The following PRUNE2 variants were observed in gnomAD, a reference collection of about 807,000 sequenced individuals.
PRUNE2 encodes the protein protein prune homolog 2.
A neutral mutation model predicts 252.0 loss-of-function variants in PRUNE2; 164 were observed. That is an observed-to-expected ratio of 0.65 (90% CI 0.57 to 0.74). The LOEUF (loss-of-function observed/expected upper bound fraction) is 0.74, where lower values mean the gene tolerates loss of function less well. PRUNE2 is among the 30% of genes least tolerant of loss of function. The pLI, the probability that PRUNE2 is intolerant of heterozygous loss-of-function variation, is 0.00. For synonymous variants in PRUNE2, 1,292 were observed against 1,350.2 expected (o/e 0.96, Z 0.94); for missense variants, 3,495 against 3,711.0 (o/e 0.94, Z 1.51).
intron 18 of PRUNE2, among the ~76,000 whole-genome samples, chr9:76,618,120 A>T (rs905445082): frequency 6.6e-6 from 1 of 152,152 alleles, no homozygotes; most frequent in Non-Finnish European, 1.5e-5. Context: ...TTTTTTTAAA[A>T]TTTTATTTAG....
At chr9:76,624,216 A>C (rs1015212764) in intron 17 of PRUNE2, among the ~76,000 whole-genome samples, 1 of 152,114 alleles carries the variant, frequency 6.6e-6, no homozygotes, top group South Asian at 2.1e-4. Flanking sequence ...TTGCGTGTAC[A>C]TTAAAAAACA....
rs138028216 is a variant in PRUNE2, at chr9:76,786,127, T to G, written c.756+37505A>C. The G allele has an allele frequency of 4.3e-4, 65 of 152,322 alleles. 1 individual carries two copies. Among genetic ancestry groups the G allele is most frequent in the African/African-American group, 1.5e-3 (62 of 41,578 alleles). The allele number at this position is 152,322 out of a possible 1,614,324, so 9.4% of individuals were successfully genotyped here. A position where few individuals can be genotyped will look rare whatever the true frequency, so the allele number is the denominator to read the frequency against. On this transcript the variant is annotated intron_variant, in intron 6 of 18. Transcript: ENST00000376718. ...TTCAATTCTCAGCAGAAGCCAGAAT[T>G]TGAATTCCCTCATCTTTTAGGAATC...
intron 4 of PRUNE2, among the ~76,000 whole-genome samples, chr9:76,836,891 A>C (rs2059013848): frequency 6.6e-6 from 1 of 152,216 alleles, no homozygotes; most frequent in African/African-American, 2.4e-5. Context: ...AACATGACAC[A>C]TACCTCTAAT....
rs192369555 is a variant in PRUNE2 at position 76,868,231 on chromosome 9, T to A, written c.37-14023A>T. 3.9e-4 allele frequency among the ~76,000 whole-genome samples: 59 copies of A among 152,258 alleles called. No individual in the cohort carries two copies. The East Asian group carries it at 0.011, about 28-fold the overall frequency. On this transcript the variant is annotated intron_variant, in intron 1 of 18. Coordinates refer to ENST00000376718, the MANE Select transcript of PRUNE2 (RefSeq NM_015225.3). ...CATAGGACATTTATAGTAACTTATATCAAAAATGGAGAAAAACATCCAAAA... is the reference window on the plus strand; with the variant it reads ...CATAGGACATTTATAGTAACTTATAACAAAAATGGAGAAAAACATCCAAAA...
At chr9:76,792,658 C>T (rs767931750) in intron 6 of PRUNE2, among the ~76,000 whole-genome samples, 1 of 152,182 alleles carries the variant, frequency 6.6e-6, no homozygotes, top group Non-Finnish European at 1.5e-5. Context: ...TTGTCCACTA[C>T]TTAAAGATAA....
chr9:76,713,499 G>T lies in PRUNE2; in HGVS notation c.915+64C>A, dbSNP rs1588770603. The T allele has an allele frequency of 1.9e-5, 27 of 1,408,404 alleles. No individual in the cohort carries two copies. The East Asian group carries it at 6.1e-4, about 32-fold the overall frequency. 87.2% of individuals were successfully genotyped at this position (1,408,404 alleles called of 1,614,324 possible). ...CCACCAATCTGTTCTGTCTTGCACTGTGTGTTCTGAGAGCCAGCAGGTTAG... is the reference window on the plus strand; with the variant it reads ...CCACCAATCTGTTCTGTCTTGCACTTTGTGTTCTGAGAGCCAGCAGGTTAG... On this transcript the variant is annotated intron_variant, in intron 7 of 18. Transcript: ENST00000376718.
At chr9:76,758,981 G>C (rs956589103) in intron 6 of PRUNE2, 1 of 152,230 alleles carries the variant, frequency 6.6e-6, no homozygotes, top group Non-Finnish European at 1.5e-5. Flanking sequence ...GTGGCAAATA[G>C]GGACAAGAAC....
At chr9:76,811,311 A>G (rs950088136) in intron 6 of PRUNE2, among the ~76,000 whole-genome samples, 7 of 152,246 alleles carry the variant, frequency 4.6e-5, no homozygotes, top group African/African-American at 1.2e-4. Context: ...AGAAAGTTCC[A>G]AGTGTCACAT....
In PRUNE2 at chr9:76,708,679, T is replaced by C; in HGVS notation, c.3595A>G (p.Ser1199Gly). Residue 1199 changes from serine to glycine, a missense_variant, in exon 8 of 19, where the codon AGT (serine) becomes GGT (glycine). Ser to Gly is a moderately conservative substitution (Grantham distance 56, BLOSUM62 0). Transcript: ENST00000376718. ...LPASDEHTKD[S>G]APSEHHTLNE... ...AATGTGTGATGTTCACTGGGAGCAC[T>C]GTCCTTGGTATGCTCATCAGAGGCA... The C allele has an allele frequency of 1.2e-6, 2 of 1,614,002 alleles. No homozygotes were observed. The highest frequency in any genetic ancestry group is 1.7e-6 in the Non-Finnish European group (2 of 1,179,896).
chr9:76,897,408 T>A (rs1170200141), intron 1 of PRUNE2, among the ~76,000 whole-genome samples: 4 of 118,486 alleles, frequency 3.4e-5, no homozygotes, highest in African/African-American at 1.3e-4. Flanking sequence ...TTTTTTTTTT[T>A]TTTTTTTTTT....
chr9:76,892,179 A>G (rs895860504), intron 1 of PRUNE2, among the ~76,000 whole-genome samples: 1 of 152,178 alleles, frequency 6.6e-6, no homozygotes, highest in African/African-American at 2.4e-5. Flanking sequence ...TTATTTGCTC[A>G]GATCCACAAT....
chr9:76,684,979 T>C (rs2043919837), intron 9 of PRUNE2, among the ~76,000 whole-genome samples: 2 of 152,184 alleles, frequency 1.3e-5, no homozygotes, highest in Admixed American at 1.3e-4. Flanking sequence ...CTTGAACTCC[T>C]GACCTCAAGT....
chr9:76,666,163 G>A (rs1469166824), intron 9 of PRUNE2, among the ~76,000 whole-genome samples: 4 of 152,174 alleles, frequency 2.6e-5, no homozygotes, highest in Non-Finnish European at 5.9e-5. Flanking sequence ...TGGTCTAGCG[G>A]TAATGCCAGG....
At chr9:76,838,908 CAT>C (rs776539412) in intron 4 of PRUNE2, among the ~76,000 whole-genome samples, 6 of 152,214 alleles carry the variant, frequency 3.9e-5, no homozygotes, top group East Asian at 1.9e-4. Flanking sequence ...CTTTTATACA[CAT>C]GTTTTGCATT....
chr9:76,761,646 G>T (rs2130738554), intron 6 of PRUNE2, among the ~76,000 whole-genome samples: 1 of 152,178 alleles, frequency 6.6e-6, no homozygotes, highest in Admixed American at 6.5e-5. Context: ...TGGTCACTAG[G>T]TGGCTCTGAA....
chr9:76,848,532 T>C (rs1212744523), intron 3 of PRUNE2, among the ~76,000 whole-genome samples: 1 of 152,238 alleles, frequency 6.6e-6, no homozygotes, highest in Admixed American at 6.5e-5. Flanking sequence ...ATATGCTTCC[T>C]AAAAAGTTAA....
chr9:76,636,474 A>T lies in PRUNE2; in HGVS notation c.9047T>A (p.Ile3016Lys), dbSNP rs1840117913. 6.7e-7 allele frequency: 1 copy of T among 1,499,640 alleles called. No homozygotes were observed. The highest frequency in any genetic ancestry group is 1.4e-5 in the African/African-American group (1 of 72,088). 92.9% of individuals were successfully genotyped at this position (1,499,640 alleles called of 1,614,324 possible). A position where few individuals can be genotyped will look rare whatever the true frequency, so the allele number is the denominator to read the frequency against. Reference protein sequence around the residue: ...RTILAVTRPFISSKFSSKIKY... With the variant: ...RTILAVTRPFKSSKFSSKIKY... ...TTTATGACAACATTAACTGTACCTT[A>T]TAAAAGGTCGTGTCACAGCAAGGAT... The change falls in exon 15 of 19, where the codon ATA becomes AAA. Residue 3016 changes from isoleucine to lysine, a missense_variant. Transcript: ENST00000376718.
At chr9:76,745,202 A>G (rs2049993222) in intron 6 of PRUNE2, among the ~76,000 whole-genome samples, 1 of 152,226 alleles carries the variant, frequency 6.6e-6, no homozygotes, top group Non-Finnish European at 1.5e-5. Flanking sequence ...GGTTTAGGCC[A>G]AGCTAACTTT....
At chr9:76,620,500 T>C (rs1475277426) in intron 17 of PRUNE2, among the ~76,000 whole-genome samples, 1 of 152,172 alleles carries the variant, frequency 6.6e-6, no homozygotes, top group East Asian at 1.9e-4. Context: ...GCTTCTATGA[T>C]CCTTTTTAAG....
Sources: gnomAD v4.1 joint callset for allele counts (sites outside exome capture counted in the v4.1 genomes callset) on GRCh38, gnomAD v4.1.1 for gene constraint, MANE v1.5 for transcripts, NCBI Gene and HGNC (gene_info 2026-07-23, HGNC 2026-07-21) for gene names.